Variants in MNS1 observed in about 807,000 individuals in gnomAD.
MNS1 encodes meiosis-specific nuclear structural protein 1.
MNS1 carries 63 observed loss-of-function variants against 72.0 expected under a neutral mutation model. The observed-to-expected ratio is 0.87, with a 90% CI of 0.71 to 1.08. The LOEUF (loss-of-function observed/expected upper bound fraction) is 1.08. Among genes scored for constraint, MNS1 ranks in the 50% least tolerant of loss-of-function variants. MNS1 has a pLI of 0.00. For missense variants in MNS1, 604 were observed against 562.4 expected (o/e 1.07, Z -0.75); for synonymous variants, 188 against 172.1 (o/e 1.09, Z -0.72).
Position 56,465,071 on chromosome 15 carries a change from C to A in MNS1, c.-99G>T. The A allele has an allele frequency of 6.6e-7, 1 of 1,521,018 alleles. No individual in the cohort carries two copies. The highest frequency in any genetic ancestry group is 8.9e-7 in the Non-Finnish European group (1 of 1,123,640). 94.2% of individuals were successfully genotyped at this position (1,521,018 alleles called of 1,614,324 possible). ...GCCCCAAGGAGCGCACCTGGCTGCGCGCGCTCGGGTGTTTACGCGGCGTCT... is the reference window on the plus strand; with the variant it reads ...GCCCCAAGGAGCGCACCTGGCTGCGAGCGCTCGGGTGTTTACGCGGCGTCT... On this transcript the variant is annotated 5_prime_UTR_variant, in exon 1 of 10. Coordinates refer to ENST00000260453, the MANE Select transcript of MNS1 (RefSeq NM_018365.4).
At chr15:56,461,274 A>C (rs1288139856) in intron 2 of MNS1, among the ~76,000 whole-genome samples, 4 of 152,132 alleles carry the variant, frequency 2.6e-5, no homozygotes, top group Non-Finnish European at 5.9e-5. Context: ...CCCAAGGCCC[A>C]GTCAAGTTGA....
intron 5 of MNS1, 100 bp downstream of exon 5, chr15:56,444,344 T>C (rs1161717472): frequency 2.2e-6 from 2 of 918,924 alleles, no homozygotes; most frequent in Non-Finnish European, 3.2e-6. Context: ...GCACTTACTA[T>C]GTATTAGGCA....
At chr15:56,459,605 G>A (rs757266933) in intron 2 of MNS1, among the ~76,000 whole-genome samples, 6 of 152,046 alleles carry the variant, frequency 3.9e-5, no homozygotes, top group South Asian at 2.1e-4. Flanking sequence ...AGCAACTAAC[G>A]TGTACTCTTC....
intron 3 of MNS1, among the ~76,000 whole-genome samples, chr15:56,452,541 CAG>C (rs2050954468): frequency 6.9e-6 from 1 of 145,318 alleles, no homozygotes; most frequent in Non-Finnish European, 1.5e-5. Flanking sequence ...TTTTTTGAGA[CAG>C]AGTCTCTCTC....
rs539073849 is a variant in MNS1 at position 56,451,995 on chromosome 15, A to G, written c.353+4399T>C. On this transcript the variant is annotated intron_variant, in intron 3 of 9. Transcript: ENST00000260453. ...TTTATTCTGATACAACATTTCATCAATTTTGGCAAATGGTTCAAATATGTT... is the reference window on the plus strand; with the variant it reads ...TTTATTCTGATACAACATTTCATCAGTTTTGGCAAATGGTTCAAATATGTT... Among the ~76,000 whole-genome samples, 33 of 152,314 alleles carry G rather than the reference A, an allele frequency of 2.2e-4. 1 individual carries two copies. The South Asian group carries it at 6.2e-3, about 29-fold the overall frequency.
chr15:56,433,312 C>T (rs1418117732), intron 8 of MNS1, among the ~76,000 whole-genome samples: 6 of 151,904 alleles, frequency 3.9e-5, no homozygotes, highest in Middle Eastern at 3.2e-3. Context: ...CTAATGCATG[C>T]AGGGCTTAAA....
chr15:56,430,978 T>C (rs911014455), intron 9 of MNS1, among the ~76,000 whole-genome samples: 4 of 152,118 alleles, frequency 2.6e-5, no homozygotes, highest in Admixed American at 2.6e-4. Context: ...CTGGCCAACA[T>C]AGCAAAATCC....
intron 4 of MNS1, chr15:56,445,806 G>C (rs1181607590): frequency 6.6e-6 from 1 of 152,010 alleles, no homozygotes; most frequent in African/African-American, 2.4e-5. Context: ...GTAGGAGTCA[G>C]ATTAAAACGT....
chr15:56,432,978 A>G (rs1487471687), intron 8 of MNS1, among the ~76,000 whole-genome samples: 1 of 152,360 alleles, frequency 6.6e-6, no homozygotes, highest in African/African-American at 2.4e-5. Context: ...GTGAGACAAT[A>G]TAAGTATTTA....
chr15:56,440,277 CAG>C (rs1274833115), intron 7 of MNS1, among the ~76,000 whole-genome samples: 1 of 152,004 alleles, frequency 6.6e-6, no homozygotes, highest in Non-Finnish European at 1.5e-5. Context: ...CTTCTGAGGA[CAG>C]AGGAGAAAAA....
chr15:56,445,437 G>C (rs998482800), intron 4 of MNS1, among the ~76,000 whole-genome samples: 7 of 151,948 alleles, frequency 4.6e-5, no homozygotes, highest in African/African-American at 1.4e-4. Flanking sequence ...ATGATGGAAT[G>C]GTCAGCAGCA....
chr15:56,439,290 A>T (rs1226698434), intron 7 of MNS1, among the ~76,000 whole-genome samples: 6 of 152,212 alleles, frequency 3.9e-5, no homozygotes, highest in African/African-American at 1.4e-4. Flanking sequence ...AGGGAGAGCC[A>T]AATTGTGTTC....
chr15:56,451,879 T>C (rs75645077), intron 3 of MNS1, among the ~76,000 whole-genome samples: 4 of 151,374 alleles, frequency 2.6e-5, no homozygotes, highest in Non-Finnish European at 5.9e-5. Flanking sequence ...ATTGCCTAGA[T>C]TTTTTTTTAT....
rs763750114 is a variant in MNS1, at chr15:56,464,215, T to A, written c.36A>T (p.Glu12Asp). 1 of 1,612,820 alleles carries A rather than the reference T, an allele frequency of 6.2e-7. No homozygotes were observed. The highest frequency in any genetic ancestry group is 8.5e-7 in the Non-Finnish European group (1 of 1,179,698). Residue 12 changes from glutamate (E) to aspartate (D), a missense_variant, in exon 2 of 10, where the codon GAA (glutamate) becomes GAT (aspartate). By Grantham distance (45) the Glu-to-Asp change is conservative (BLOSUM62 2). Coordinates refer to ENST00000260453, the MANE Select transcript of MNS1 (RefSeq NM_018365.4). The part of the protein sequence containing the change: ...GSKRRNLSCS[E>D]RHQKLVDENY... ...TTTCATCTACTAATTTCTGATGCCT[T>A]TCACTACAGCTCAAATTTCTCCTTT...
At position 56,431,917 on chromosome 15, in the gene MNS1, A is replaced by T. The variant is rs572503243; in HGVS notation, c.1270-419T>A. On this transcript the variant is annotated intron_variant, in intron 8 of 9. Transcript: ENST00000260453. ...GATATTTTCATATATATATATATAAAGATGATATGAAGCATGAGAATTCCA... is the reference window on the plus strand; with the variant it reads ...GATATTTTCATATATATATATATAATGATGATATGAAGCATGAGAATTCCA... Among the ~76,000 whole-genome samples the T allele has an allele frequency of 3.3e-5, 5 of 152,188 alleles. No homozygotes were observed. The East Asian group carries it at 9.6e-4, about 29-fold the overall frequency.
At chr15:56,441,264 TA>T (rs2140350876) in intron 7 of MNS1, among the ~76,000 whole-genome samples, 1 of 152,246 alleles carries the variant, frequency 6.6e-6, no homozygotes, top group South Asian at 2.1e-4. Flanking sequence ...TGGTATTATT[TA>T]AAACCTTGAA....
chr15:56,458,753 A>C (rs1292569745), intron 2 of MNS1, among the ~76,000 whole-genome samples: 7 of 152,230 alleles, frequency 4.6e-5, no homozygotes, highest in African/African-American at 1.7e-4. Flanking sequence ...TATGCATTTA[A>C]AGTTCCTCCA....
intron 2 of MNS1, among the ~76,000 whole-genome samples, chr15:56,457,730 G>T (rs755293962): frequency 6.6e-6 from 1 of 151,582 alleles, no homozygotes; most frequent in Non-Finnish European, 1.5e-5. Flanking sequence ...TAGGAGGACC[G>T]CCGGAGACCA....
rs761719424 is a variant in MNS1 at position 56,446,939 on chromosome 15, C to T, written c.358G>A (p.Glu120Lys). 2.5e-6 allele frequency: 4 copies of T among 1,605,256 alleles called. No homozygotes were observed. Among genetic ancestry groups the T allele is most frequent in the South Asian group, 1.1e-5 (1 of 90,768 alleles). Residue 120 changes from glutamate (E) to lysine (K), a missense_variant, in exon 4 of 10, where the codon GAG (glutamate) becomes AAG (lysine). By Grantham distance (56) the Glu-to-Lys change is moderately conservative (BLOSUM62 1). Transcript: ENST00000260453. ...AATTTCTTCTCCAATTCTCTAAGCT[C>T]AATGCTGTTTAAAAAAACAAAAACA... ...MRQQVRENSI[E>K]LRELEKKLKA...
Sources: allele counts gnomAD v4.1 joint callset (sites outside exome capture counted in the v4.1 genomes callset), GRCh38; gene constraint gnomAD v4.1.1; transcripts MANE v1.5; gene names NCBI Gene and HGNC (gene_info 2026-07-23, HGNC 2026-07-21).